SMC6: variants seen among roughly 807,000 people sequenced by gnomAD.
SMC6 encodes the protein structural maintenance of chromosomes 6, also known as structural maintenance of chromosomes protein 6.
SMC6 carries 79 observed loss-of-function variants against 142.2 expected under a neutral mutation model. The observed-to-expected ratio is 0.56, with a 90% CI of 0.46 to 0.67. The LOEUF is 0.67. Among genes scored for constraint, SMC6 ranks in the 30% least tolerant of loss-of-function variants. The probability of loss-of-function intolerance (pLI) is 0.00; values close to 1 mark genes in which losing one functional copy is unlikely to be tolerated. For missense variants in SMC6, 1,072 were observed against 1,284.0 expected, an observed-to-expected ratio of 0.83 and a Z score of 2.52; for synonymous variants, 411 against 412.4, an observed-to-expected ratio of 1.00 and a Z score of 0.04.
intron 16 of SMC6, among the ~76,000 whole-genome samples, chr2:17,712,914 TG>T (rs1375099089): frequency 6.6e-6 from 1 of 152,240 alleles, no homozygotes; most frequent in African/African-American, 2.4e-5. Flanking sequence ...CAACAACTTG[TG>T]TTTCAGCTAC....
intron 25 of SMC6, among the ~76,000 whole-genome samples, chr2:17,674,021 A>G (rs1666893195): frequency 1.3e-5 from 2 of 152,032 alleles, no homozygotes; most frequent in Admixed American, 1.3e-4. Flanking sequence ...TCAGGTGTCT[A>G]TTGTTTCATT....
intron 17 of SMC6, among the ~76,000 whole-genome samples, chr2:17,707,647 GCTAT>G (rs1468202025): frequency 6.6e-6 from 1 of 151,978 alleles, no homozygotes; most frequent in African/African-American, 2.4e-5. Flanking sequence ...TTCACATATT[GCTAT>G]CTATTTAAAA....
At chr2:17,702,600 C>A (rs1229279590) in intron 19 of SMC6, among the ~76,000 whole-genome samples, 2 of 152,060 alleles carry the variant, frequency 1.3e-5, no homozygotes, top group Admixed American at 1.3e-4. Flanking sequence ...TTGGCTGTGT[C>A]CCTACCCAGA....
chr2:17,707,526 A>G (rs886590899), intron 17 of SMC6, 147 bp from the exon 18 acceptor site: 203 of 488,638 alleles, frequency 4.2e-4, no homozygotes, highest in Non-Finnish European at 5.9e-4. Context: ...AAAGTTAAAT[A>G]TAAGAATTTT....
intron 25 of SMC6, among the ~76,000 whole-genome samples, chr2:17,672,047 AC>A (rs1325740645): frequency 6.6e-6 from 1 of 152,108 alleles, no homozygotes; most frequent in Non-Finnish European, 1.5e-5. Context: ...CCAATTCTAA[AC>A]ATACTCTAAA....
intron 25 of SMC6, 136 bp from the exon 26 acceptor site, chr2:17,670,711 ACCCATTCCTTTCAAAAAATTT>A (rs1666715174): frequency 1.1e-6 from 1 of 872,166 alleles, no homozygotes; most frequent in Non-Finnish European, 1.6e-6. Context: ...ATTTGGAAAT[ACCCATTCCTTTCAAAAAATTT>A]TACAGTAAAA....
At chr2:17,713,412 C>A in intron 16 of SMC6, 1 of 465,158 alleles carries the variant, frequency 2.1e-6, no homozygotes. Flanking sequence ...GGCATTATGA[C>A]ACATACACTG....
At chr2:17,666,547 C>T in intron 26 of SMC6, 30 bp from the exon 27 acceptor site, 1 of 1,526,240 alleles carries the variant, frequency 6.6e-7, no homozygotes, top group Non-Finnish European at 9.1e-7. Context: ...GTTAGGATTG[C>T]TATTGTGTAA....
intron 24 of SMC6, among the ~76,000 whole-genome samples, chr2:17,682,937 A>G (rs978769390): frequency 4.0e-5 from 6 of 151,782 alleles, no homozygotes; most frequent in Non-Finnish European, 5.9e-5. Flanking sequence ...TGGTGTAAAG[A>G]CAGTTTTAAA....
At position 17,746,811 on chromosome 2, in the gene SMC6, T is replaced by C. The variant is rs1196531446; in HGVS notation, c.-5-860A>G. 4.6e-5 allele frequency among the ~76,000 whole-genome samples: 7 copies of C among 152,194 alleles called. 1 individual carries two copies. Among genetic ancestry groups the C allele is most frequent in the South Asian group, 2.1e-4 (1 of 4,828 alleles). On this transcript the variant is annotated intron_variant, in intron 2 of 27. Transcript: ENST00000448223. Reference sequence around the variant, plus strand: ...AGAGTACATTTAAGACCTAAAATGATAGGTATCTAATTTAATTGTTTGCTA... The same window carrying C: ...AGAGTACATTTAAGACCTAAAATGACAGGTATCTAATTTAATTGTTTGCTA...
intron 26 of SMC6, among the ~76,000 whole-genome samples, chr2:17,669,314 T>C (rs934893755): frequency 1.3e-5 from 2 of 152,086 alleles, no homozygotes; most frequent in Non-Finnish European, 2.9e-5. Flanking sequence ...GTCTAATAGG[T>C]AGTAGGGCAT....
chr2:17,707,988 GTATA>G (rs1226693127), intron 17 of SMC6, among the ~76,000 whole-genome samples: 1 of 99,402 alleles, frequency 1.0e-5, no homozygotes, highest in East Asian at 2.1e-4. Flanking sequence ...ATATGTATAT[GTATA>G]TATATACACA....
chr2:17,715,595 ACCC>A (rs954769547), intron 15 of SMC6, among the ~76,000 whole-genome samples: 1 of 152,078 alleles, frequency 6.6e-6, no homozygotes, highest in Non-Finnish European at 1.5e-5. Context: ...ATTAAAGATA[ACCC>A]CCCAAGAACA....
At position 17,721,192 on chromosome 2, in the gene SMC6, T is replaced by C; in HGVS notation, c.796A>G (p.Thr266Ala). 6.2e-7 allele frequency: 1 copy of C among 1,612,380 alleles called. No individual in the cohort carries two copies. The change falls in exon 10 of 28, where the codon ACA (threonine) becomes GCA (alanine). Residue 266 changes from threonine to alanine, a missense_variant. This residue lies in a region of SMC6 where 994 missense variants were observed against 1,153.2 expected (regional missense o/e 0.86). Coordinates refer to ENST00000448223, the MANE Select transcript of SMC6 (RefSeq NM_001142286.2). ...ERFQSIAGLS[T>A]MKTNLESLKH... is the part of the protein sequence containing the mutation. ...AAGGACTCTAAATTAGTCTTCATTG[T>C]ACTTAAACCAGCAATACTTTGAAAA...
intron 25 of SMC6, among the ~76,000 whole-genome samples, chr2:17,672,805 C>T (rs1300369783): frequency 6.6e-6 from 1 of 152,166 alleles, no homozygotes; most frequent in Non-Finnish European, 1.5e-5. Flanking sequence ...CAGTATGTCG[C>T]TGTTTGAATA....
At chr2:17,740,349 A>T (rs2125069162) in intron 4 of SMC6, among the ~76,000 whole-genome samples, 1 of 152,298 alleles carries the variant, frequency 6.6e-6, no homozygotes, top group South Asian at 2.1e-4. Flanking sequence ...CTAGCTTCCT[A>T]TTCTAGCATT....
chr2:17,680,780 T>C (rs924179061), intron 24 of SMC6: 6 of 152,176 alleles, frequency 3.9e-5, no homozygotes, highest in Non-Finnish European at 7.4e-5. Context: ...AGGCTTTGTT[T>C]TTCCATTTGT....
rs776957006 is a variant in SMC6 at position 17,716,978 on chromosome 2, T to C, written c.1182-73A>G. The C allele has an allele frequency of 2.3e-4, 346 of 1,528,246 alleles. 1 individual carries two copies. The highest frequency in any genetic ancestry group is 2.9e-4 in the Non-Finnish European group (323 of 1,132,010). The allele number at this position is 1,528,246 out of a possible 1,614,324, so 94.7% of individuals were successfully genotyped here. On this transcript the variant is annotated intron_variant, in intron 13 of 27. Coordinates refer to ENST00000448223, the MANE Select transcript of SMC6 (RefSeq NM_001142286.2). ...CTAACATTTAAAGAACACAAACCGATGTAATAAAATTCCATTAACAACAAT... is the reference window on the plus strand; with the variant it reads ...CTAACATTTAAAGAACACAAACCGACGTAATAAAATTCCATTAACAACAAT...
intron 8 of SMC6, among the ~76,000 whole-genome samples, 188 bp downstream of exon 8, chr2:17,726,201 A>G (rs548995422): frequency 6.6e-6 from 1 of 151,900 alleles, no homozygotes; most frequent in South Asian, 2.1e-4. Context: ...AGTAAAAACA[A>G]AGATTTAAAA....
Sources: allele counts gnomAD v4.1 joint callset (sites outside exome capture counted in the v4.1 genomes callset), GRCh38; gene constraint gnomAD v4.1.1; regional missense constraint gnomAD v4.1.1; transcripts MANE v1.5; gene names NCBI Gene and HGNC (gene_info 2026-07-23, HGNC 2026-07-21).